Variants in F5 observed in about 807,000 individuals in gnomAD.
F5 encodes the protein coagulation factor V.
Under a neutral mutation model 216.4 loss-of-function variants are expected in F5, and 138 were observed. That is an observed-to-expected ratio of 0.64 (90% CI 0.56 to 0.73). The LOEUF (loss-of-function observed/expected upper bound fraction) is 0.73, where lower values mean the gene tolerates loss of function less well. Ranked by LOEUF, F5 falls within the 30% of genes least tolerant of loss-of-function variation. The pLI is 0.00. For missense variants in F5, 2,403 were observed against 2,674.0 expected (o/e 0.90, Z 2.24); for synonymous variants, 916 against 930.7 (o/e 0.98, Z 0.29).
chr1:169,542,256 C>G lies in F5; in HGVS notation c.2834G>C (p.Gly945Ala), dbSNP rs1396386819. 8 of 1,613,950 alleles carry G rather than the reference C, an allele frequency of 5.0e-6. No homozygotes were observed. Among genetic ancestry groups the G allele is most frequent in the Non-Finnish European group, 5.9e-6 (7 of 1,180,010 alleles). ...TTTCTCAGAAGCCAAATGCCATCTC[C>G]CAACCAAAATCTTAGATGAGTTACT... ...KQSNSSKILVGRWHLASEKGS... is the reference protein window; with the variant it reads ...KQSNSSKILVARWHLASEKGS... The change falls in exon 13 of 25, where the codon GGG (glycine) becomes GCG (alanine). Residue 945 changes from glycine (G) to alanine (A), a missense_variant. Physicochemically the swap from Gly to Ala is moderately conservative, Grantham distance 60 (BLOSUM62 0). Coordinates refer to ENST00000367797, the MANE Select transcript of F5 (RefSeq NM_000130.5).
At chr1:169,514,598 A>G in intron 24 of F5, 139 bp from the exon 25 acceptor site, 1 of 710,488 alleles carries the variant, frequency 1.4e-6, no homozygotes. Context: ...CTGCAGCCTT[A>G]AACTCCTCTC....
rs3035292 is a variant in F5 at position 169,577,560 on chromosome 1, AATATATATATATAT to A, written c.250+4857_250+4870del. On this transcript the variant is annotated intron_variant, in intron 2 of 24. Transcript: ENST00000367797. ...TGTACCACCATGTCTGGCTAATTTAAATATATATATATATATATATATATATATATATATATATA... is the reference window on the plus strand; with the variant it reads ...TGTACCACCATGTCTGGCTAATTTAAATATATATATATATATATATATATA... Among the ~76,000 whole-genome samples the A allele has an allele frequency of 4.3e-3, 235 of 54,462 alleles. 1 individual carries two copies. The South Asian group carries it at 0.046, about 11-fold the overall frequency. 35.7% of individuals were successfully genotyped at this position (54,462 alleles called of 152,430 possible). A position where few individuals can be genotyped will look rare whatever the true frequency, so the allele number is the denominator to read the frequency against.
At chr1:169,530,752 G>C in intron 15 of F5, 34 bp downstream of exon 15, 2 of 1,569,414 alleles carry the variant, frequency 1.3e-6, no homozygotes, top group Non-Finnish European at 1.8e-6. Flanking sequence ...ACGAGGTTAG[G>C]GGAATGAGAA....
Position 169,552,635 on chromosome 1 carries a change from T to C in F5, c.1218A>G (p.Lys406=). 1 of 1,613,470 alleles carries C rather than the reference T, an allele frequency of 6.2e-7. No individual in the cohort carries two copies. The stretch of plus-strand genomic sequence containing the variant: ...CTTTCATATTGGGATTCACTGTATG[T>C]TTGGTGAAGGACTCATCTTCGTACT... The part of the protein sequence containing the change: ...YTQYEDESFT[K]HTVNPNMKED... The change falls in exon 8 of 25, where the codon AAA becomes AAG. Residue 406 remains lysine, a synonymous_variant. Transcript: ENST00000367797.
At chr1:169,550,288 AC>A (rs60015398) in intron 9 of F5, among the ~76,000 whole-genome samples, 6,682 of 72,198 alleles carry the variant, frequency 0.093, 471 homozygotes, top group East Asian at 0.42. Flanking sequence ...CCCGCCCCCC[AC>A]CCCCCCCCCC....
Position 169,541,289 on chromosome 1 carries a change from A to C in F5, c.3801T>G (p.Leu1267=). 6.4e-7 allele frequency: 1 copy of C among 1,553,124 alleles called. No individual in the cohort carries two copies. The highest frequency in any genetic ancestry group is 8.7e-7 in the Non-Finnish European group (1 of 1,143,044). ...NLSPELSQTN[L]SPALGQMPLS... ...GGGGCATCTGACCGAGGGCTGGAGA[A>C]AGGTTTGTCTGACTGAGTTCTGGAG... Residue 1267 remains leucine, a synonymous_variant, in exon 13 of 25, where the codon CTT becomes CTG. Transcript: ENST00000367797.
chr1:169,530,170 C>A (rs1659558731), intron 15 of F5, among the ~76,000 whole-genome samples: 1 of 152,148 alleles, frequency 6.6e-6, no homozygotes, highest in African/African-American at 2.4e-5. Flanking sequence ...ATTCATTGAA[C>A]AAATATTTAC....
rs2101818477 is a variant in F5 at position 169,541,220 on chromosome 1, G to A, written c.3870C>T (p.Ser1290=). 3.8e-6 allele frequency: 6 copies of A among 1,592,102 alleles called. No homozygotes were observed. The highest frequency in any genetic ancestry group is 4.3e-6 in the Non-Finnish European group (5 of 1,166,314). ...LSHTTLSLDF[S]QTNLSPELSH... is the part of the protein sequence containing the mutation. ...TGAGTTCTGGAGAGAGGTTTGTCTG[G>A]CTGAAGTCTAGAGAAAGGGTTGTAT... is the stretch of plus-strand genomic sequence containing the variant. The change falls in exon 13 of 25, where the codon AGC becomes AGT. Residue 1290 remains serine, a synonymous_variant. Transcript: ENST00000367797.
At chr1:169,539,694 A>C (rs1360838495) in intron 13 of F5, among the ~76,000 whole-genome samples, 1 of 152,202 alleles carries the variant, frequency 6.6e-6, no homozygotes, top group Non-Finnish European at 1.5e-5. Flanking sequence ...GCTGATGCAC[A>C]GTCATCATGC....
chr1:169,563,924 T>G (rs553988655), intron 3 of F5, among the ~76,000 whole-genome samples: 19 of 152,290 alleles, frequency 1.2e-4, no homozygotes, highest in Admixed American at 3.9e-4. Flanking sequence ...CTTCTAATGC[T>G]TGTTTATTTT....
At chr1:169,568,682 G>T (rs1660662472) in intron 3 of F5, among the ~76,000 whole-genome samples, 1 of 152,066 alleles carries the variant, frequency 6.6e-6, no homozygotes, top group Admixed American at 6.6e-5. Context: ...TATTTACTCA[G>T]TTCTGTTCAT....
chr1:169,515,709 C>T, intron 23 of F5, 83 bp from the exon 24 acceptor site: 1 of 1,404,608 alleles, frequency 7.1e-7, no homozygotes, highest in South Asian at 1.2e-5. Context: ...CAAAAAAGCA[C>T]AGAGCTCAAA....
At chr1:169,557,656 T>C (rs561793464) in intron 5 of F5, among the ~76,000 whole-genome samples, 13 of 151,982 alleles carry the variant, frequency 8.6e-5, no homozygotes, top group South Asian at 6.3e-4. Flanking sequence ...CATCCTTGGC[T>C]TTTAGGTTTC....
intron 7 of F5, among the ~76,000 whole-genome samples, chr1:169,553,636 G>T (rs1299796608): frequency 2.0e-5 from 3 of 152,218 alleles, no homozygotes; most frequent in Admixed American, 6.5e-5. Flanking sequence ...GCAGGAGAAT[G>T]GCGTGAGCCT....
Position 169,530,793 on chromosome 1 carries a change from A to G in F5, c.5201T>C (p.Val1734Ala), listed in dbSNP as rs1659577337. ...ACRAWAYYSAVNPEKDIHSGL... is the reference protein window; with the variant it reads ...ACRAWAYYSAANPEKDIHSGL... The stretch of plus-strand genomic sequence containing the variant: ...TTCAATGAAAGTACCTACTGGGTTC[A>G]CAGCTGAGTAGTAGGCCCAAGCCCG... Residue 1734 changes from valine to alanine, a missense_variant, in exon 15 of 25, where the codon GTG (valine) becomes GCG (alanine). This residue lies in a region of F5 where 659 missense variants were observed against 787.9 expected (regional missense o/e 0.84). Coordinates refer to ENST00000367797, the MANE Select transcript of F5 (RefSeq NM_000130.5). 6.2e-7 allele frequency: 1 copy of G among 1,613,684 alleles called. No individual in the cohort carries two copies. The highest frequency in any genetic ancestry group is 1.7e-5 in the Admixed American group (1 of 59,972).
rs765866794 is a variant in F5 at position 169,541,457 on chromosome 1, C to T, written c.3633G>A (p.Thr1211=). The change falls in exon 13 of 25, where the codon ACG becomes ACA. Residue 1211 remains threonine (T), a synonymous_variant. Coordinates refer to ENST00000367797, the MANE Select transcript of F5 (RefSeq NM_000130.5). The stretch of plus-strand genomic sequence containing the variant: ...TCTGAATGAGTTCTGGAGAGAGAGT[C>T]GTGTGGCTGAGGTCTGGAGAGAGGT... ...QTNLSPDLSH[T]TLSPELIQRN... The T allele has an allele frequency of 9.3e-6, 15 of 1,611,404 alleles. No homozygotes were observed. The highest frequency in any genetic ancestry group is 1.4e-5 in the African/African-American group (1 of 74,028).
intron 10 of F5, among the ~76,000 whole-genome samples, chr1:169,548,736 GC>G (rs2101824440): frequency 6.6e-6 from 1 of 152,010 alleles, no homozygotes; most frequent in Admixed American, 6.6e-5. Flanking sequence ...GGGGGTGGTG[GC>G]GGGCGCCTGT....
At chr1:169,522,160 G>A (rs1422950287) in intron 21 of F5, among the ~76,000 whole-genome samples, 2 of 152,078 alleles carry the variant, frequency 1.3e-5, no homozygotes, top group African/African-American at 2.4e-5. Flanking sequence ...TAATAGCCCT[G>A]TAACTATTTA....
Position 169,542,039 on chromosome 1 carries a change from CTT to C in F5, c.3049_3050del (p.Lys1017GlufsTer2). The part of the protein sequence containing the change: ...KSLQVRQDGG[K>X]SRLKKSQFLI... ...GAAACTGGCTTTTCTTCAGTCTACT[CTT>C]TCCTCCATCCTGTCTTACTTGTAGA... On this transcript the variant is annotated frameshift_variant, in exon 13 of 25. Coordinates refer to ENST00000367797, the MANE Select transcript of F5 (RefSeq NM_000130.5). LOFTEE classifies it high-confidence loss of function. 3 of 1,614,084 alleles carry C rather than the reference CTT, an allele frequency of 1.9e-6. No individual in the cohort carries two copies. Among genetic ancestry groups the C allele is most frequent in the Non-Finnish European group, 2.5e-6 (3 of 1,180,004 alleles).
Sources: allele counts gnomAD v4.1 joint callset (sites outside exome capture counted in the v4.1 genomes callset), GRCh38; gene constraint gnomAD v4.1.1; regional missense constraint gnomAD v4.1.1; transcripts MANE v1.5; gene names NCBI Gene and HGNC (gene_info 2026-07-23, HGNC 2026-07-21).